RALGAPA2: variants seen among roughly 807,000 people sequenced by gnomAD.
The protein encoded by RALGAPA2 is Ral GTPase activating protein catalytic subunit alpha 2.
A neutral mutation model predicts 230.4 loss-of-function variants in RALGAPA2; 139 were observed. That is an observed-to-expected ratio of 0.60 (90% CI 0.53 to 0.69). RALGAPA2 has a LOEUF of 0.69. RALGAPA2 is among the 30% of genes least tolerant of loss of function. RALGAPA2 has a pLI of 0.00. For synonymous variants in RALGAPA2, 847 were observed against 837.8 expected, an observed-to-expected ratio of 1.01 and a Z score of -0.19; for missense variants, 2,163 against 2,276.0, an observed-to-expected ratio of 0.95 and a Z score of 1.01.
intron 36 of RALGAPA2, among the ~76,000 whole-genome samples, chr20:20,476,609 A>G (rs1252129486): frequency 6.6e-6 from 1 of 151,656 alleles, no homozygotes; most frequent in Admixed American, 6.6e-5. Context: ...GAAAAAAAAT[A>G]TGACAAAATT....
intron 37 of RALGAPA2, among the ~76,000 whole-genome samples, chr20:20,427,930 T>C (rs1228753062): frequency 6.6e-6 from 1 of 152,086 alleles, no homozygotes; most frequent in Admixed American, 6.5e-5. Context: ...TACCTCTGAG[T>C]ACCTAAATCT....
intron 23 of RALGAPA2, among the ~76,000 whole-genome samples, chr20:20,553,377 C>A (rs547158251): frequency 6.6e-6 from 1 of 151,962 alleles, no homozygotes; most frequent in East Asian, 1.9e-4. Flanking sequence ...CATATCAAGA[C>A]GCTGCCTCTA....
chr20:20,590,350 T>C (rs2065252187), intron 17 of RALGAPA2, among the ~76,000 whole-genome samples: 1 of 152,244 alleles, frequency 6.6e-6, no homozygotes, highest in Admixed American at 6.5e-5. Flanking sequence ...TCAAAAATCT[T>C]TCAGATAATA....
intron 1 of RALGAPA2, among the ~76,000 whole-genome samples, chr20:20,711,745 G>A (rs1603263435): frequency 6.6e-6 from 1 of 152,146 alleles, no homozygotes; most frequent in Middle Eastern, 3.4e-3. Flanking sequence ...GGAAGAGAAG[G>A]CCCCTTCACA....
intron 14 of RALGAPA2, among the ~76,000 whole-genome samples, chr20:20,608,434 A>G (rs751691308): frequency 6.6e-6 from 1 of 152,204 alleles, no homozygotes; most frequent in Non-Finnish European, 1.5e-5. Flanking sequence ...TTTAAAACTA[A>G]GTCAAATTCA....
intron 37 of RALGAPA2, among the ~76,000 whole-genome samples, chr20:20,455,880 C>A (rs2061104452): frequency 6.6e-6 from 1 of 152,100 alleles, no homozygotes; most frequent in African/African-American, 2.4e-5. Context: ...TCTAAAAAGT[C>A]AAATACAATT....
chr20:20,443,554 A>C (rs2060789558), intron 37 of RALGAPA2, among the ~76,000 whole-genome samples: 1 of 152,148 alleles, frequency 6.6e-6, no homozygotes, highest in African/African-American at 2.4e-5. Context: ...AGTTGCAGCC[A>C]CCTCAATCTT....
At chr20:20,457,600 A>G (rs1290636207) in intron 37 of RALGAPA2, among the ~76,000 whole-genome samples, 1 of 152,198 alleles carries the variant, frequency 6.6e-6, no homozygotes, top group Non-Finnish European at 1.5e-5. Flanking sequence ...TTCACCTGGA[A>G]AACACCCGCA....
In RALGAPA2 at chr20:20,712,625, G is replaced by GCCGCCGCCC. The variant is rs1478722259; in HGVS notation, c.-146_-145insGGGCGGCGG. 8.4e-7 allele frequency: 1 copy of GCCGCCGCCC among 1,185,936 alleles called. No individual in the cohort carries two copies. Among genetic ancestry groups the GCCGCCGCCC allele is most frequent in the African/African-American group, 1.6e-5 (1 of 61,858 alleles). The allele number at this position is 1,185,936 out of a possible 1,614,324, so 73.5% of individuals were successfully genotyped here. Reference sequence around the variant, plus strand: ...TGCTGCCGCCGCCGCCGCCGCCGCCGCCGCCTCAGCTGTGTCTCCAGGAAG... The same window carrying GCCGCCGCCC: ...TGCTGCCGCCGCCGCCGCCGCCGCCGCCGCCGCCCCCGCCTCAGCTGTGTCTCCAGGAAG... On this transcript the variant is annotated 5_prime_UTR_variant, in exon 1 of 40. Coordinates refer to ENST00000202677, the MANE Select transcript of RALGAPA2 (RefSeq NM_020343.4). This position sits in a 1 kb window ranked among gnomAD's most constrained non-coding sequence, Gnocchi z 5.5.
intron 37 of RALGAPA2, among the ~76,000 whole-genome samples, chr20:20,461,940 T>A (rs1403053491): frequency 6.6e-6 from 1 of 151,522 alleles, no homozygotes; most frequent in East Asian, 1.9e-4. Flanking sequence ...GACCCTGAGG[T>A]TTCAGGAGGC....
rs948926609 is a variant in RALGAPA2, at chr20:20,512,536, C to G, written c.4833G>C (p.Leu1611Phe). 1 of 1,606,170 alleles carries G rather than the reference C, an allele frequency of 6.2e-7. No individual in the cohort carries two copies. Among genetic ancestry groups the G allele is most frequent in the Non-Finnish European group, 8.5e-7 (1 of 1,177,252 alleles). ...ACCTTCTGTCCCAAGAATTCATTCC[C>G]AAGTCATCAAGCAATAACCTGCAGA... The part of the protein sequence containing the change: ...FYFCRLLLDD[L>F]GMNSWDRRKN... Residue 1611 changes from leucine to phenylalanine, a missense_variant, in exon 32 of 40, where the codon TTG becomes TTC. Leu to Phe is a conservative substitution (Grantham distance 22). Coordinates refer to ENST00000202677, the MANE Select transcript of RALGAPA2 (RefSeq NM_020343.4).
intron 23 of RALGAPA2, among the ~76,000 whole-genome samples, chr20:20,554,257 T>C (rs2064014901): frequency 6.6e-6 from 1 of 152,236 alleles, no homozygotes; most frequent in Non-Finnish European, 1.5e-5. Context: ...ACTATATATA[T>C]GGCATTTTGT....
intron 38 of RALGAPA2, among the ~76,000 whole-genome samples, chr20:20,401,181 A>G (rs1463951994): frequency 6.6e-6 from 1 of 152,234 alleles, no homozygotes; most frequent in African/African-American, 2.4e-5. Flanking sequence ...CAGTATGTGA[A>G]TTAGATCTCA....
At position 20,704,911 on chromosome 20, in the gene RALGAPA2, G is replaced by T. The variant is rs117391699; in HGVS notation, c.106+7464C>A. On this transcript the variant is annotated intron_variant, in intron 1 of 39. Transcript: ENST00000202677. ...ACCCTCATCCCCAACTTGTCCATCT[G>T]GTAAAATCCTTTATCCATTATTCAA... Among the ~76,000 whole-genome samples the T allele has an allele frequency of 8.6e-3, 1,309 of 152,250 alleles. 9 individuals carry two copies. Among genetic ancestry groups the T allele is most frequent in the Non-Finnish European group, 0.011 (739 of 68,020 alleles).
At chr20:20,447,959 A>G (rs74970845) in intron 37 of RALGAPA2, among the ~76,000 whole-genome samples, 12,947 of 152,248 alleles carry the variant, frequency 0.085, 629 homozygotes, top group Middle Eastern at 0.15. Flanking sequence ...TTGTGCTCCA[A>G]TTATTCTTCC....
chr20:20,510,781 G>C (rs1193294075), intron 33 of RALGAPA2, among the ~76,000 whole-genome samples: 1 of 152,150 alleles, frequency 6.6e-6, no homozygotes, highest in African/African-American at 2.4e-5. Context: ...TTAACAGAGA[G>C]TTATTAATTA....
At chr20:20,526,388 G>A (rs756549591) in intron 27 of RALGAPA2, 26 bp from the exon 28 acceptor site, 4 of 1,451,188 alleles carry the variant, frequency 2.8e-6, no homozygotes, top group Non-Finnish European at 3.8e-6. Flanking sequence ...GAATCCCAAA[G>A]CAGACACATA....
Position 20,390,908 on chromosome 20 carries a change from A to C in RALGAPA2, c.*2381T>G, listed in dbSNP as rs1170832635. On this transcript the variant is annotated 3_prime_UTR_variant, in exon 40 of 40. Coordinates refer to ENST00000202677, the MANE Select transcript of RALGAPA2 (RefSeq NM_020343.4). ...GGGTCATGGGGTCGTTATAATCCTC[A>C]GGGGTTACAGGAGGGTTGAGTTATT... 1 of 152,130 alleles carries C rather than the reference A, an allele frequency of 6.6e-6. No individual in the cohort carries two copies. Among genetic ancestry groups the C allele is most frequent in the African/African-American group, 2.4e-5 (1 of 41,432 alleles). The allele number at this position is 152,130 out of a possible 1,614,324, so 9.4% of individuals were successfully genotyped here.
At chr20:20,626,814 A>G (rs1045262398) in intron 10 of RALGAPA2, among the ~76,000 whole-genome samples, 1 of 152,180 alleles carries the variant, frequency 6.6e-6, no homozygotes, top group Non-Finnish European at 1.5e-5. Context: ...AGCCATCCTC[A>G]CTTGTTACAT....
Sources: allele counts gnomAD v4.1 joint callset (sites outside exome capture counted in the v4.1 genomes callset), GRCh38; gene constraint gnomAD v4.1.1; non-coding constraint Gnocchi (gnomAD v3.1); transcripts MANE v1.5; gene names NCBI Gene and HGNC (gene_info 2026-07-23, HGNC 2026-07-21).